Variants in METTL4 observed in about 807,000 individuals in gnomAD.
METTL4 encodes N(6)-adenine-specific methyltransferase METTL4.
A neutral mutation model predicts 54.0 loss-of-function variants in METTL4; 40 were observed. That is an observed-to-expected ratio of 0.74 (90% CI 0.58 to 0.96). METTL4 has a LOEUF of 0.96. Ranked by LOEUF, METTL4 falls within the 50% of genes least tolerant of loss-of-function variation. The pLI, the probability that METTL4 is intolerant of heterozygous loss-of-function variation, is 0.00. For missense variants in METTL4, 525 were observed against 549.0 expected (o/e 0.96, Z 0.44); for synonymous variants, 169 against 183.8 (o/e 0.92, Z 0.65).
At chr18:2,544,540 C>A in intron 7 of METTL4, 113 bp downstream of exon 7, 1 of 733,442 alleles carries the variant, frequency 1.4e-6, no homozygotes. Flanking sequence ...TACACTGGAC[C>A]ATTTTCAGAG....
intron 4 of METTL4, chr18:2,554,241 G>GA (rs112328575): frequency 0.098 from 15,118 of 153,998 alleles, 1,306 homozygotes; most frequent in African/African-American, 0.23. Context: ...ACTTTGTACG[G>GA]AAATGTTTCA....
At chr18:2,548,930 G>A (rs2644176) in intron 5 of METTL4, among the ~76,000 whole-genome samples, 96,565 of 152,074 alleles carry the variant, frequency 0.63, 31,530 homozygotes, top group African/African-American at 0.77. Context: ...AAGAAAATGC[G>A]GAAGAACTGG....
At chr18:2,552,988 G>A in intron 4 of METTL4, 1 of 459,212 alleles carries the variant, frequency 2.2e-6, no homozygotes, top group Admixed American at 4.0e-5. Flanking sequence ...TATTGCAATT[G>A]TTGCAGAGAC....
chr18:2,567,096 T>C lies in METTL4; in HGVS notation c.121A>G (p.Thr41Ala). Residue 41 changes from threonine (T) to alanine (A), a missense_variant, in exon 2 of 9, where the codon ACT becomes GCT. Transcript: ENST00000574538. ...TGAAGAGACTCAAAGTGAACAGAAG[T>C]AGTGAACTCCTTTTTACGGCAACAA... ...EPCCRKKEFTTSVHFESLQMD... is the reference protein window; with the variant it reads ...EPCCRKKEFTASVHFESLQMD... The C allele has an allele frequency of 6.2e-7, 1 of 1,614,160 alleles. No homozygotes were observed.
chr18:2,555,659 A>C (rs1161934848), intron 3 of METTL4, among the ~76,000 whole-genome samples: 1 of 152,214 alleles, frequency 6.6e-6, no homozygotes, highest in Admixed American at 6.5e-5. Flanking sequence ...ACATATAAAC[A>C]AAGTTTTATA....
Position 2,554,664 on chromosome 18 carries a change from CT to C in METTL4, c.829+4del, listed in dbSNP as rs778337569. On this transcript the variant is annotated splice_donor_region_variant and intron_variant, in intron 4 of 8. Coordinates refer to ENST00000574538, the MANE Select transcript of METTL4 (RefSeq NM_022840.5). The stretch of plus-strand genomic sequence containing the variant: ...TTTCTAATAACAAACACAATAATTA[CT>C]TACAGTTTAGAAGTGGTTGCATACA... 32 of 1,586,532 alleles carry C rather than the reference CT, an allele frequency of 2.0e-5. No individual in the cohort carries two copies. The highest frequency in any genetic ancestry group is 2.7e-5 in the Non-Finnish European group (32 of 1,173,624).
At chr18:2,556,867 G>A (rs780870286) in intron 3 of METTL4, among the ~76,000 whole-genome samples, 9 of 151,958 alleles carry the variant, frequency 5.9e-5, no homozygotes, top group Non-Finnish European at 1.0e-4. Flanking sequence ...AGGAGGAGGA[G>A]GAATCCGCAC....
rs2072436153 is a variant in METTL4 at position 2,567,277 on chromosome 18, AT to A, written c.-62del. 3.5e-6 allele frequency: 5 copies of A among 1,445,806 alleles called. No individual in the cohort carries two copies. The highest frequency in any genetic ancestry group is 2.3e-5 in the Admixed American group (1 of 43,372). 89.6% of individuals were successfully genotyped at this position (1,445,806 alleles called of 1,614,324 possible). On this transcript the variant is annotated 5_prime_UTR_variant, in exon 2 of 9. Coordinates refer to ENST00000574538, the MANE Select transcript of METTL4 (RefSeq NM_022840.5). ...CTAGAATGAAAATCCAACTTTCCAG[AT>A]CAGCTTCTTAAATATCTTGTATTTC...
rs752257490 is a variant in METTL4, at chr18:2,551,163, C to CAA, written c.899+1530_899+1531dup. On this transcript the variant is annotated intron_variant, in intron 5 of 8. Coordinates refer to ENST00000574538, the MANE Select transcript of METTL4 (RefSeq NM_022840.5). ...TGGGCGACAGAACGAGACTCCGTCT[C>CAA]AAAAAAAAAAAAAAAAAAAAAAGAA... 8.1e-3 allele frequency among the ~76,000 whole-genome samples: 384 copies of CAA among 47,340 alleles called. 2 individuals carry two copies. Among genetic ancestry groups the CAA allele is most frequent in the African/African-American group, 0.01 (138 of 13,452 alleles). The allele number at this position is 47,340 out of a possible 152,430, so 31.1% of individuals were successfully genotyped here.
rs754600360 is a variant in METTL4, at chr18:2,539,035, C to T, written c.1384G>A (p.Val462Met). Residue 462 changes from valine (V) to methionine (M), a missense_variant, in exon 9 of 9, where the codon GTG (valine) becomes ATG (methionine). Transcript: ENST00000574538. The stretch of plus-strand genomic sequence containing the variant: ...GACTCCACAGCAATAAAATAATCCA[C>T]ATGCTGAAATTTGAGAACTTCATTG... ...WGNEVLKFQHVDYFIAVESGS is the reference protein window; with the variant it reads ...WGNEVLKFQHMDYFIAVESGS The T allele has an allele frequency of 6.2e-7, 1 of 1,613,970 alleles. No individual in the cohort carries two copies. Among genetic ancestry groups the T allele is most frequent in the Non-Finnish European group, 8.5e-7 (1 of 1,179,924 alleles).
intron 8 of METTL4, among the ~76,000 whole-genome samples, chr18:2,539,397 A>T (rs541976792): frequency 1.2e-4 from 19 of 152,242 alleles, no homozygotes; most frequent in Non-Finnish European, 2.2e-4. Flanking sequence ...GTAGATGAGA[A>T]ATGAGGACTT....
At chr18:2,542,296 G>A (rs551086848) in intron 8 of METTL4, among the ~76,000 whole-genome samples, 73 of 151,398 alleles carry the variant, frequency 4.8e-4, no homozygotes, top group African/African-American at 1.6e-3. Context: ...ATGCTGGTGC[G>A]CTGCACCCAC....
Position 2,538,042 on chromosome 18 carries a change from T to C in METTL4, c.*958A>G, listed in dbSNP as rs1291432424. On this transcript the variant is annotated 3_prime_UTR_variant, in exon 9 of 9. Transcript: ENST00000574538. Reference sequence around the variant, plus strand: ...AATTCACTGAATTTGACACTGAAAATTGGAGAATTTTGTGAAAATTATACC... The same window carrying C: ...AATTCACTGAATTTGACACTGAAAACTGGAGAATTTTGTGAAAATTATACC... 3 of 397,878 alleles carry C rather than the reference T, an allele frequency of 7.5e-6. No individual in the cohort carries two copies. The highest frequency in any genetic ancestry group is 7.1e-5 in the East Asian group (2 of 28,024). The allele number at this position is 397,878 out of a possible 1,614,324, so 24.6% of individuals were successfully genotyped here.
chr18:2,560,452 G>A (rs936355894), intron 3 of METTL4, among the ~76,000 whole-genome samples: 8 of 152,118 alleles, frequency 5.3e-5, no homozygotes, highest in Non-Finnish European at 8.8e-5. Flanking sequence ...CTTCCAACAC[G>A]AGAGGGCTAA....
intron 7 of METTL4, 90 bp downstream of exon 7, chr18:2,544,563 A>G (rs933500554): frequency 1.1e-6 from 1 of 875,120 alleles, no homozygotes; most frequent in African/African-American, 1.7e-5. Flanking sequence ...TCAAAAACAT[A>G]AACATTTTAA....
At chr18:2,552,989 T>C in intron 4 of METTL4, 1 of 455,198 alleles carries the variant, frequency 2.2e-6, no homozygotes, top group South Asian at 3.1e-5. Flanking sequence ...ATTGCAATTG[T>C]TGCAGAGACT....
intron 8 of METTL4, 109 bp downstream of exon 8, chr18:2,544,086 A>T: frequency 1.4e-6 from 1 of 701,694 alleles, no homozygotes; most frequent in South Asian, 2.3e-5. Flanking sequence ...ATTCATTAAC[A>T]ACCTACGTCT....
At chr18:2,540,007 T>C in intron 8 of METTL4, 1 of 979,072 alleles carries the variant, frequency 1.0e-6, no homozygotes, top group Non-Finnish European at 1.2e-6. Flanking sequence ...AAAACATTTC[T>C]TCATTTTCAA....
intron 8 of METTL4, chr18:2,539,825 TA>T (rs1204797114): frequency 2.7e-5 from 24 of 886,982 alleles, no homozygotes; most frequent in Non-Finnish European, 2.9e-5. Flanking sequence ...AAAAGAGCTC[TA>T]AAAAAAATTG....
Sources: allele counts gnomAD v4.1 joint callset (sites outside exome capture counted in the v4.1 genomes callset), GRCh38; gene constraint gnomAD v4.1.1; transcripts MANE v1.5; gene names NCBI Gene and HGNC (gene_info 2026-07-23, HGNC 2026-07-21).